Variants in MYL12A observed in about 807,000 individuals in gnomAD.
The protein encoded by MYL12A is myosin regulatory light chain 12A.
In MYL12A, 11 loss-of-function variants were observed where a neutral mutation model predicts 13.3. The observed-to-expected ratio is 0.83, with a 90% CI of 0.52 to 1.37. The LOEUF is 1.37. Among genes scored for constraint, MYL12A ranks in the 40% most tolerant of loss-of-function variants. MYL12A has a pLI of 0.00. For missense variants in MYL12A, 146 were observed against 212.3 expected (o/e 0.69, Z 1.94); for synonymous variants, 51 against 69.9 (o/e 0.73, Z 1.35).
intron 1 of MYL12A, among the ~76,000 whole-genome samples, chr18:3,251,391 A>T (rs1281510110): frequency 6.6e-6 from 1 of 152,206 alleles, no homozygotes; most frequent in Non-Finnish European, 1.5e-5. Flanking sequence ...TTGTTCTTAA[A>T]ATAGCTGACA....
Position 3,255,783 on chromosome 18 carries a change from A to C in MYL12A, c.381A>C (p.Thr127=), listed in dbSNP as rs146160785. Reference sequence around the variant, plus strand: ...AAGATTACTTGAGAGAGCTGCTGACAACCATGGGGGATCGGTTTACAGATG... The same window carrying C: ...AAGATTACTTGAGAGAGCTGCTGACCACCATGGGGGATCGGTTTACAGATG... The part of the protein sequence containing the change: ...IQEDYLRELL[T]TMGDRFTDEE... Residue 127 remains threonine, a synonymous_variant, in exon 4 of 4, where the codon ACA becomes ACC. Coordinates refer to ENST00000217652, the MANE Select transcript of MYL12A (RefSeq NM_006471.4). 1.2e-5 allele frequency: 19 copies of C among 1,613,878 alleles called. No homozygotes were observed. The African/African-American group carries it at 2.1e-4, about 18-fold the overall frequency.
Position 3,253,338 on chromosome 18 carries a change from C to T in MYL12A, c.91C>T (p.Gln31Ter). The T allele has an allele frequency of 6.2e-7, 1 of 1,614,000 alleles. No homozygotes were observed. Among genetic ancestry groups the T allele is most frequent in the Non-Finnish European group, 8.5e-7 (1 of 1,179,886 alleles). ...VFAMFDQSQI[Q>*]EFKEAFNMID... ...TGCTATGTTTGACCAGTCACAGATT[C>T]AGGAGTTCAAAGAGGCCTTCAACAT... Residue 31 changes from glutamine (Q) to a stop codon, truncating the protein, a stop_gained, in exon 2 of 4, where the codon CAG becomes TAG. Coordinates refer to ENST00000217652, the MANE Select transcript of MYL12A (RefSeq NM_006471.4). LOFTEE classifies it high-confidence loss of function.
chr18:3,248,768 G>T (rs2081454751), intron 1 of MYL12A: 1 of 152,212 alleles, frequency 6.6e-6, no homozygotes, highest in Non-Finnish European at 1.5e-5. Context: ...GTCCAGTGGT[G>T]AGAACTTTTG....
chr18:3,253,144 T>C (rs2081503154), intron 1 of MYL12A, 89 bp from the exon 2 acceptor site: 1 of 1,408,028 alleles, frequency 7.1e-7, no homozygotes, highest in Non-Finnish European at 9.7e-7. Flanking sequence ...AAGTTGGTTC[T>C]GTGTACTTTT....
At chr18:3,248,713 A>G (rs1381917940) in intron 1 of MYL12A, 1 of 152,228 alleles carries the variant, frequency 6.6e-6, no homozygotes, top group African/African-American at 2.4e-5. Context: ...TATTTTCAAA[A>G]GCGAGGCTTT....
At chr18:3,250,649 G>T (rs1333267518) in intron 1 of MYL12A, among the ~76,000 whole-genome samples, 2 of 152,260 alleles carry the variant, frequency 1.3e-5, no homozygotes, top group Admixed American at 1.3e-4. Context: ...GCCAGTTTTT[G>T]ATAGAATTAA....
intron 1 of MYL12A, among the ~76,000 whole-genome samples, chr18:3,250,733 G>T (rs1335493351): frequency 6.6e-6 from 1 of 152,154 alleles, no homozygotes; most frequent in Non-Finnish European, 1.5e-5. Context: ...GCTTCTAAAT[G>T]ATCCCACACG....
intron 2 of MYL12A, 175 bp downstream of exon 2, chr18:3,253,603 G>A (rs150443119): frequency 1.2e-6 from 1 of 843,422 alleles, no homozygotes; most frequent in Non-Finnish European, 1.8e-6. Flanking sequence ...CCCTGTCTTA[G>A]GATTGGGTTG....
chr18:3,255,185 A>G (rs1191185484), intron 3 of MYL12A, among the ~76,000 whole-genome samples: 2 of 152,220 alleles, frequency 1.3e-5, no homozygotes, highest in Non-Finnish European at 2.9e-5. Flanking sequence ...CATATTTATT[A>G]CAATAATTGG....
chr18:3,249,038 T>G (rs1387034753), intron 1 of MYL12A, among the ~76,000 whole-genome samples: 2 of 152,138 alleles, frequency 1.3e-5, no homozygotes, highest in Non-Finnish European at 2.9e-5. Flanking sequence ...AGATGGTGGT[T>G]TTTTCTTGCA....
At chr18:3,248,844 G>GT (rs2081455636) in intron 1 of MYL12A, among the ~76,000 whole-genome samples, 1 of 152,138 alleles carries the variant, frequency 6.6e-6, no homozygotes, top group East Asian at 1.9e-4. Flanking sequence ...ATGAAACTTG[G>GT]TTTACTTGGA....
intron 2 of MYL12A, 136 bp from the exon 3 acceptor site, chr18:3,253,753 C>G: frequency 9.8e-7 from 1 of 1,017,624 alleles, no homozygotes; most frequent in Non-Finnish European, 1.4e-6. Flanking sequence ...AACTTTCCCC[C>G]CAAATAGTTT....
intron 1 of MYL12A, chr18:3,252,140 T>C: frequency 2.1e-6 from 1 of 487,318 alleles, no homozygotes; most frequent in Non-Finnish European, 3.6e-6. Flanking sequence ...AATGGCATAG[T>C]GTTTTGCCAG....
chr18:3,255,805 G>T lies in MYL12A; in HGVS notation c.403G>T (p.Asp135Tyr). The change falls in exon 4 of 4, where the codon GAT becomes TAT. Residue 135 changes from aspartate (D) to tyrosine (Y), a missense_variant. Asp to Tyr is a radical substitution (Grantham distance 160). Coordinates refer to ENST00000217652, the MANE Select transcript of MYL12A (RefSeq NM_006471.4). ...GACAACCATGGGGGATCGGTTTACA[G>T]ATGAGGAAGTGGATGAGCTGTACAG... ...LLTTMGDRFT[D>Y]EEVDELYREA... The T allele has an allele frequency of 5.6e-6, 9 of 1,614,172 alleles. No individual in the cohort carries two copies. Among genetic ancestry groups the T allele is most frequent in the Non-Finnish European group, 7.6e-6 (9 of 1,180,016 alleles).
intron 1 of MYL12A, chr18:3,249,235 G>A (rs184681138): frequency 6.6e-6 from 1 of 152,288 alleles, no homozygotes; most frequent in African/African-American, 2.4e-5. Context: ...AGTTTCTAGA[G>A]ATTCTGAAAA....
chr18:3,254,301 C>T (rs2081516966), intron 3 of MYL12A, among the ~76,000 whole-genome samples: 1 of 152,104 alleles, frequency 6.6e-6, no homozygotes, highest in African/African-American at 2.4e-5. Context: ...GTTAACTCCA[C>T]AAGGGTTAGG....
intron 1 of MYL12A, chr18:3,249,936 C>T (rs1015906852): frequency 7.2e-5 from 11 of 152,066 alleles, no homozygotes; most frequent in African/African-American, 2.7e-4. Context: ...AATAAAGACT[C>T]GACTTTATGA....
intron 3 of MYL12A, 87 bp downstream of exon 3, chr18:3,254,137 G>A (rs1222011670): frequency 1.7e-5 from 25 of 1,456,178 alleles, no homozygotes; most frequent in South Asian, 5.0e-5. Context: ...ATATGATAAC[G>A]CTCTCAGGTT....
At chr18:3,250,002 C>G (rs913697868) in intron 1 of MYL12A, 1 of 146,856 alleles carries the variant, frequency 6.8e-6, no homozygotes, top group African/African-American at 2.5e-5. Flanking sequence ...TCTTTGCATC[C>G]TAAAGAATAA....
Sources: allele counts gnomAD v4.1 joint callset (sites outside exome capture counted in the v4.1 genomes callset), GRCh38; gene constraint gnomAD v4.1.1; transcripts MANE v1.5; gene names NCBI Gene and HGNC (gene_info 2026-07-23, HGNC 2026-07-21).